The following CFAP298 variants were observed in gnomAD, a reference collection of about 807,000 sequenced individuals.
CFAP298 encodes the protein cilia- and flagella-associated protein 298.
CFAP298 carries 38 observed loss-of-function variants against 41.0 expected under a neutral mutation model. The ratio of observed to expected loss-of-function variants is 0.93; its 90% confidence interval spans 0.72 to 1.22. CFAP298 has a LOEUF of 1.22. Ranked by LOEUF, CFAP298 falls within the 50% of genes most tolerant of loss-of-function variation. The probability of loss-of-function intolerance (pLI) is 0.00; values close to 1 mark genes in which losing one functional copy is unlikely to be tolerated. For missense variants in CFAP298, 348 were observed against 360.3 expected (o/e 0.97, Z 0.28); for synonymous variants, 137 against 135.3 (o/e 1.01, Z -0.09).
At position 32,601,918 on chromosome 21, in the gene CFAP298, G is replaced by C. The variant is rs112678969; in HGVS notation, c.818C>G (p.Thr273Ser). The change falls in exon 7 of 7, where the codon ACT (threonine) becomes AGT (serine). Residue 273 changes from threonine (T) to serine (S), a missense_variant. Thr to Ser is a moderately conservative substitution (Grantham distance 58). Transcript: ENST00000290155. ...AYLNSPWADN[T>S]ALKRHFHGVK... Reference sequence around the variant, plus strand: ...TCCATGAAAATGTCTTTTCAAAGCAGTGTTATCCGCCCATGGTGAGTTTAA... The same window carrying C: ...TCCATGAAAATGTCTTTTCAAAGCACTGTTATCCGCCCATGGTGAGTTTAA... 2 of 1,613,462 alleles carry C rather than the reference G, an allele frequency of 1.2e-6. No homozygotes were observed. The highest frequency in any genetic ancestry group is 1.3e-5 in the African/African-American group (1 of 74,992).
chr21:32,608,604 C>A (rs1601161915), intron 2 of CFAP298, among the ~76,000 whole-genome samples: 1 of 145,674 alleles, frequency 6.9e-6, no homozygotes, highest in East Asian at 2.0e-4. Flanking sequence ...TTGCAGTGAG[C>A]CGAGATTGTG....
At chr21:32,604,801 C>T (rs1410704985) in intron 3 of CFAP298, among the ~76,000 whole-genome samples, 1 of 152,238 alleles carries the variant, frequency 6.6e-6, no homozygotes, top group Non-Finnish European at 1.5e-5. Flanking sequence ...TTCACCTTTC[C>T]TCTGTTAGGC....
chr21:32,608,967 G>A (rs139492264), intron 2 of CFAP298, among the ~76,000 whole-genome samples: 2 of 152,278 alleles, frequency 1.3e-5, no homozygotes, highest in African/African-American at 4.8e-5. Context: ...TTTAAATGGC[G>A]CTTTTAATGC....
In CFAP298 at chr21:32,608,408, G is replaced by A. The variant is rs564568781; in HGVS notation, c.308-692C>T. ...GTAGTGGCTCACGCCTGTAATCCCA[G>A]CACTTCGGAAGGCCAAGATGGGTGG... On this transcript the variant is annotated intron_variant, in intron 2 of 6. Coordinates refer to ENST00000290155, the MANE Select transcript of CFAP298 (RefSeq NM_021254.4). Among the ~76,000 whole-genome samples, 7 of 152,214 alleles carry A rather than the reference G, an allele frequency of 4.6e-5. No individual in the cohort carries two copies. The South Asian group carries it at 1.5e-3, about 32-fold the overall frequency.
chr21:32,603,603 G>C (rs1206558805), intron 4 of CFAP298, among the ~76,000 whole-genome samples: 1 of 152,176 alleles, frequency 6.6e-6, no homozygotes, highest in African/African-American at 2.4e-5. Flanking sequence ...CTGGCATCGT[G>C]CTGGGTGTTT....
In CFAP298 at chr21:32,610,802, T is replaced by G. The variant is rs545098310; in HGVS notation, c.140-797A>C. On this transcript the variant is annotated intron_variant, in intron 1 of 6. Coordinates refer to ENST00000290155, the MANE Select transcript of CFAP298 (RefSeq NM_021254.4). ...ATAATGTAATCAATACATTTCATAA[T>G]AAATCACATATTCATGCAATTTAAT... Among the ~76,000 whole-genome samples, 113 of 152,272 alleles carry G rather than the reference T, an allele frequency of 7.4e-4. 1 individual carries two copies. The highest frequency in any genetic ancestry group is 2.1e-3 in the Admixed American group (32 of 15,288).
chr21:32,602,123 C>A, intron 6 of CFAP298, 149 bp downstream of exon 6: 2 of 889,974 alleles, frequency 2.2e-6, no homozygotes, highest in South Asian at 3.0e-5. Context: ...GGACACCTGG[C>A]AGGACCCCGA....
chr21:32,602,877 G>T, intron 5 of CFAP298: 1 of 1,379,174 alleles, frequency 7.3e-7, no homozygotes, highest in Non-Finnish European at 9.5e-7. Flanking sequence ...ACATTTCAAG[G>T]AACATATCTG....
intron 2 of CFAP298, among the ~76,000 whole-genome samples, chr21:32,609,567 C>T (rs887239084): frequency 1.3e-5 from 2 of 152,234 alleles, no homozygotes; most frequent in Non-Finnish European, 1.5e-5. Flanking sequence ...GAGTTCGAGA[C>T]CAGCCTGGCC....
chr21:32,605,044 T>A (rs561619476), intron 3 of CFAP298, among the ~76,000 whole-genome samples: 16 of 152,334 alleles, frequency 1.1e-4, no homozygotes, highest in African/African-American at 3.8e-4. Context: ...CTGGGCGTGG[T>A]GGCAGGTGCC....
rs1174756943 is a variant in CFAP298 at position 32,601,775 on chromosome 21, G to GT, written c.*87dup. On this transcript the variant is annotated 3_prime_UTR_variant, in exon 7 of 7. Transcript: ENST00000290155. Reference sequence around the variant, plus strand: ...ATGTTAACATCTTTTACAGAGGGCAGTAAGTGGCCTTTTTTTTTTTTTTAA... The same window carrying GT: ...ATGTTAACATCTTTTACAGAGGGCAGTTAAGTGGCCTTTTTTTTTTTTTTAA... The GT allele has an allele frequency of 7.0e-6, 5 of 712,818 alleles. No individual in the cohort carries two copies. Among genetic ancestry groups the GT allele is most frequent in the Non-Finnish European group, 1.2e-5 (5 of 409,364 alleles). The allele number at this position is 712,818 out of a possible 1,614,324, so 44.2% of individuals were successfully genotyped here.
intron 1 of CFAP298, among the ~76,000 whole-genome samples, chr21:32,611,403 GTATT>G (rs780960192): frequency 2.9e-5 from 4 of 137,146 alleles, no homozygotes; most frequent in East Asian, 4.0e-4. Flanking sequence ...TATATATATG[GTATT>G]TATTTATATT....
chr21:32,600,521 G>C lies in CFAP298; in HGVS notation c.*1342C>G, dbSNP rs1057245498. Among the ~76,000 whole-genome samples the C allele has an allele frequency of 6.6e-6, 1 of 152,216 alleles. No individual in the cohort carries two copies. The highest frequency in any genetic ancestry group is 1.5e-5 in the Non-Finnish European group (1 of 68,044). ...CTTTCCCTCAGTGTGAGCACACCAAGTTCCCTCTAACCAGGAGAACAGGAC... is the reference window on the plus strand; with the variant it reads ...CTTTCCCTCAGTGTGAGCACACCAACTTCCCTCTAACCAGGAGAACAGGAC... On this transcript the variant is annotated 3_prime_UTR_variant, in exon 7 of 7. Coordinates refer to ENST00000290155, the MANE Select transcript of CFAP298 (RefSeq NM_021254.4).
chr21:32,604,219 C>G lies in CFAP298; in HGVS notation c.440G>C (p.Arg147Pro). 1 of 1,614,084 alleles carries G rather than the reference C, an allele frequency of 6.2e-7. No homozygotes were observed. Among genetic ancestry groups the G allele is most frequent in the Non-Finnish European group, 8.5e-7 (1 of 1,180,002 alleles). The part of the protein sequence containing the change: ...EMVKDALDQL[R>P]GAVMIVYPMG... ...GGGGTAAACAATCATCACCGCGCCT[C>G]GAAGCTGGTCCAAGGCATCTTTCAC... is the stretch of plus-strand genomic sequence containing the variant. The change falls in exon 4 of 7, where the codon CGA (arginine) becomes CCA (proline). Residue 147 changes from arginine (R) to proline (P), a missense_variant. Arg to Pro is a moderately radical substitution (Grantham distance 103, BLOSUM62 -2). Transcript: ENST00000290155.
At position 32,611,187 on chromosome 21, in the gene CFAP298, T is replaced by C. The variant is rs139600638; in HGVS notation, c.139+918A>G. ...GGCGTGGTGGTGGGCGCCTGTAATCTCAGATACTTGGGAGGCTGAGGCAGG... is the reference window on the plus strand; with the variant it reads ...GGCGTGGTGGTGGGCGCCTGTAATCCCAGATACTTGGGAGGCTGAGGCAGG... On this transcript the variant is annotated intron_variant, in intron 1 of 6. Coordinates refer to ENST00000290155, the MANE Select transcript of CFAP298 (RefSeq NM_021254.4). 4.2e-3 allele frequency among the ~76,000 whole-genome samples: 641 copies of C among 150,884 alleles called. 5 individuals carry two copies. Among genetic ancestry groups the C allele is most frequent in the African/African-American group, 0.014 (584 of 40,818 alleles).
At chr21:32,607,092 T>C (rs1045528519) in intron 3 of CFAP298, among the ~76,000 whole-genome samples, 3 of 152,218 alleles carry the variant, frequency 2.0e-5, no homozygotes, top group African/African-American at 7.2e-5. Flanking sequence ...TACATATTTG[T>C]ATTATACGTG....
intron 3 of CFAP298, among the ~76,000 whole-genome samples, chr21:32,606,606 G>A (rs531308597): frequency 1.3e-5 from 2 of 152,330 alleles, no homozygotes; most frequent in South Asian, 4.1e-4. Context: ...TATATTAACA[G>A]GCACAGAGCT....
At chr21:32,607,419 C>A (rs1363104398) in intron 3 of CFAP298, among the ~76,000 whole-genome samples, 2 of 152,000 alleles carry the variant, frequency 1.3e-5, no homozygotes, top group African/African-American at 4.8e-5. Context: ...CATGGAGAAA[C>A]CCCGTCTCTA....
intron 2 of CFAP298, 38 bp downstream of exon 2, chr21:32,609,800 G>T: frequency 1.9e-6 from 3 of 1,558,936 alleles, no homozygotes; most frequent in Non-Finnish European, 2.6e-6. Flanking sequence ...ACTTATGCCT[G>T]TATCAAGCAT....
Sources: gnomAD v4.1 joint callset for allele counts (sites outside exome capture counted in the v4.1 genomes callset) on GRCh38, gnomAD v4.1.1 for gene constraint, MANE v1.5 for transcripts, NCBI Gene and HGNC (gene_info 2026-07-23, HGNC 2026-07-21) for gene names.